Variants in RYR3 observed in about 807,000 individuals in gnomAD.
The protein encoded by RYR3 is brain ryanodine receptor-calcium release channel.
A neutral mutation model predicts 584.3 loss-of-function variants in RYR3; 207 were observed. The ratio of observed to expected loss-of-function variants is 0.35; its 90% confidence interval spans 0.32 to 0.40. The LOEUF (loss-of-function observed/expected upper bound fraction) is 0.40, where lower values mean the gene tolerates loss of function less well. Ranked by LOEUF, RYR3 falls within the 10% of genes least tolerant of loss-of-function variation. RYR3 has a pLI of 1.00. For missense variants in RYR3, 5,616 were observed against 6,089.2 expected (o/e 0.92, Z 2.59); for synonymous variants, 2,416 against 2,248.5 (o/e 1.07, Z -2.11).
rs71117160 is a variant in RYR3 at position 33,669,880 on chromosome 15, GGTGT to G, written c.5722+445_5722+448del. Among the ~76,000 whole-genome samples, 276 of 103,480 alleles carry G rather than the reference GGTGT, an allele frequency of 2.7e-3. 1 individual carries two copies. The highest frequency in any genetic ancestry group is 9.4e-3 in the African/African-American group (254 of 26,984). The allele number at this position is 103,480 out of a possible 152,430, so 67.9% of individuals were successfully genotyped here. On this transcript the variant is annotated intron_variant, in intron 37 of 103. Transcript: ENST00000634891. Reference sequence around the variant, plus strand: ...GGGGTGTGGGTGTGTGGGTGTGTGTGGTGTGTGTGTGTGTGTGTGTGTGTTTAGT... The same window carrying G: ...GGGGTGTGGGTGTGTGGGTGTGTGTGGTGTGTGTGTGTGTGTGTGTTTAGT...
chr15:33,673,804 C>T (rs2063991924), intron 38 of RYR3, among the ~76,000 whole-genome samples: 1 of 152,200 alleles, frequency 6.6e-6, no homozygotes, highest in South Asian at 2.1e-4. Flanking sequence ...AAGGAAGCTC[C>T]ACGCTGGCAT....
At chr15:33,791,413 G>A (rs1009575026) in intron 67 of RYR3, among the ~76,000 whole-genome samples, 7 of 152,238 alleles carry the variant, frequency 4.6e-5, no homozygotes, top group African/African-American at 1.7e-4. Flanking sequence ...GAGGGAGAGA[G>A]AGGTCTTTTG....
intron 1 of RYR3, among the ~76,000 whole-genome samples, chr15:33,444,407 G>A (rs2046454785): frequency 6.6e-6 from 1 of 152,164 alleles, no homozygotes; most frequent in Non-Finnish European, 1.5e-5. Context: ...GCCTTTCCAT[G>A]TGATAAAACC....
intron 5 of RYR3, among the ~76,000 whole-genome samples, chr15:33,535,921 C>G (rs1049582585): frequency 7.9e-5 from 12 of 152,188 alleles, no homozygotes; most frequent in Non-Finnish European, 2.9e-5. Flanking sequence ...GAAGGCTTGA[C>G]TAGGTCTTCA....
At chr15:33,805,660 G>A (rs2076157504) in intron 69 of RYR3, among the ~76,000 whole-genome samples, 1 of 151,516 alleles carries the variant, frequency 6.6e-6, no homozygotes. Context: ...TGTATTTTTA[G>A]TAGAGACAGG....
Position 33,705,534 on chromosome 15 carries a change from T to C in RYR3, c.6484-1385T>C, listed in dbSNP as rs140151445. Among the ~76,000 whole-genome samples the C allele has an allele frequency of 5.4e-3, 823 of 152,350 alleles. 7 individuals are homozygous for C. Among genetic ancestry groups the C allele is most frequent in the African/African-American group, 0.019 (789 of 41,578 alleles). The stretch of plus-strand genomic sequence containing the variant: ...TAAGATATCAAAGGTGAAATTAGAA[T>C]AGCAACTGCGTTTTAATCAAAGGTA... On this transcript the variant is annotated intron_variant, in intron 42 of 103. Transcript: ENST00000634891.
chr15:33,376,675 A>C (rs2141145980), intron 1 of RYR3, among the ~76,000 whole-genome samples: 1 of 152,326 alleles, frequency 6.6e-6, no homozygotes. Flanking sequence ...GAACCCGGGT[A>C]GTACTCCACA....
At chr15:33,803,745 C>T (rs1189756357) in intron 69 of RYR3, among the ~76,000 whole-genome samples, 1 of 152,162 alleles carries the variant, frequency 6.6e-6, no homozygotes, top group South Asian at 2.1e-4. Context: ...GAACTCCTGA[C>T]CTCAAGTGAT....
chr15:33,659,936 C>T (rs2063052158), intron 33 of RYR3, 130 bp downstream of exon 33: 2 of 675,636 alleles, frequency 3.0e-6, no homozygotes, highest in Non-Finnish European at 5.1e-6. Flanking sequence ...CCCCCAGGCC[C>T]TGCCCTTTCC....
At chr15:33,359,935 T>G (rs1974531523) in intron 1 of RYR3, among the ~76,000 whole-genome samples, 1 of 152,050 alleles carries the variant, frequency 6.6e-6, no homozygotes. Context: ...GACCCCTTAT[T>G]TAAATAGTGC....
intron 76 of RYR3, 42 bp downstream of exon 76, chr15:33,818,726 A>C: frequency 6.9e-7 from 1 of 1,450,364 alleles, no homozygotes; most frequent in East Asian, 2.3e-5. Flanking sequence ...GGCACCAGGG[A>C]TACTTGTGTC....
intron 2 of RYR3, among the ~76,000 whole-genome samples, chr15:33,494,406 G>A (rs898425215): frequency 2.6e-5 from 4 of 152,088 alleles, no homozygotes; most frequent in African/African-American, 9.7e-5. Context: ...CCAGCACAGT[G>A]CCTAGAAACA....
chr15:33,431,409 G>A (rs2045133429), intron 1 of RYR3, among the ~76,000 whole-genome samples: 1 of 152,164 alleles, frequency 6.6e-6, no homozygotes, highest in Admixed American at 6.5e-5. Context: ...ACATATAAGT[G>A]TGTGTATATG....
intron 48 of RYR3, among the ~76,000 whole-genome samples, chr15:33,735,725 G>A (rs1053768512): frequency 6.6e-6 from 1 of 152,088 alleles, no homozygotes; most frequent in South Asian, 2.1e-4. Flanking sequence ...GAGTTGTTTT[G>A]AGAACAAAGC....
At chr15:33,651,397 A>C (rs940466138) in intron 31 of RYR3, among the ~76,000 whole-genome samples, 2 of 152,260 alleles carry the variant, frequency 1.3e-5, no homozygotes, top group African/African-American at 4.8e-5. Flanking sequence ...ATAATGCTAT[A>C]ACTCTTTGAA....
chr15:33,788,500 G>A (rs1329103920), intron 67 of RYR3, 42 bp downstream of exon 67: 3 of 1,598,162 alleles, frequency 1.9e-6, no homozygotes, highest in South Asian at 2.2e-5. Flanking sequence ...CCCTCTGTGG[G>A]GCTAGTTTAG....
chr15:33,862,533 C>T (rs903086590), intron 102 of RYR3, among the ~76,000 whole-genome samples: 14 of 152,168 alleles, frequency 9.2e-5, no homozygotes, highest in African/African-American at 3.4e-4. Flanking sequence ...CTAGAGCAGG[C>T]TCAGCCTTTG....
chr15:33,779,180 A>C (rs1296789973), intron 64 of RYR3, among the ~76,000 whole-genome samples: 1 of 152,102 alleles, frequency 6.6e-6, no homozygotes, highest in Non-Finnish European at 1.5e-5. Context: ...AGTCTTGTGC[A>C]GTCATTTTTC....
intron 50 of RYR3, among the ~76,000 whole-genome samples, 185 bp downstream of exon 50, chr15:33,738,775 G>A (rs1339260757): frequency 6.6e-6 from 1 of 152,178 alleles, no homozygotes. Context: ...TATTTTACAG[G>A]TGAAGAAAAG....
Sources: allele counts gnomAD v4.1 joint callset (sites outside exome capture counted in the v4.1 genomes callset), GRCh38; gene constraint gnomAD v4.1.1; transcripts MANE v1.5; gene names NCBI Gene and HGNC (gene_info 2026-07-23, HGNC 2026-07-21).